The following HACL1 variants were observed in gnomAD, a reference collection of about 807,000 sequenced individuals.
HACL1 encodes the protein 1600020H07Rik.
Under a neutral mutation model 74.2 loss-of-function variants are expected in HACL1, and 64 were observed. The observed-to-expected ratio is 0.86, with a 90% CI of 0.70 to 1.06. The LOEUF is 1.06. HACL1 is among the 50% of genes least tolerant of loss of function. The probability of loss-of-function intolerance (pLI) is 0.00; values close to 1 mark genes in which losing one functional copy is unlikely to be tolerated. For synonymous variants in HACL1, 230 were observed against 238.8 expected, an observed-to-expected ratio of 0.96 and a Z score of 0.34; for missense variants, 728 against 719.7, an observed-to-expected ratio of 1.01 and a Z score of -0.13.
chr3:15,580,904 T>TTTG (rs1043028162), intron 8 of HACL1, among the ~76,000 whole-genome samples: 1 of 152,196 alleles, frequency 6.6e-6, no homozygotes, highest in Non-Finnish European at 1.5e-5. Flanking sequence ...CATTATCTTT[T>TTTG]TTGTTGTTGT....
intron 4 of HACL1, among the ~76,000 whole-genome samples, chr3:15,590,016 C>G (rs1053974867): frequency 6.6e-6 from 1 of 151,820 alleles, no homozygotes; most frequent in African/African-American, 2.4e-5. Flanking sequence ...GCCTGGGCAA[C>G]AGAGCAAGAC....
chr3:15,575,933 G>A (rs1574920113), intron 9 of HACL1, among the ~76,000 whole-genome samples: 2 of 151,814 alleles, frequency 1.3e-5, no homozygotes, highest in Admixed American at 1.3e-4. Context: ...AGAGATAGGT[G>A]GATCATGAGG....
rs777190733 is a variant in HACL1, at chr3:15,568,429, T to TA, written c.1250+2dup. 1.3e-5 allele frequency: 20 copies of TA among 1,563,594 alleles called. No individual in the cohort carries two copies. The highest frequency in any genetic ancestry group is 2.7e-5 in the African/African-American group (2 of 73,270). Reference sequence around the variant, plus strand: ...CGACTTCTTTCTTCTTTAGAAGTCTTACCTGTGACGAGGAAGGTAGTTCTG... The same window carrying TA: ...CGACTTCTTTCTTCTTTAGAAGTCTTAACCTGTGACGAGGAAGGTAGTTCTG... On this transcript the variant is annotated splice_region_variant and intron_variant, in intron 13 of 16. Transcript: ENST00000321169.
chr3:15,571,829 CTTTT>C (rs869072841), intron 11 of HACL1, 60 bp from the exon 12 acceptor site: 1,726 of 224,510 alleles, frequency 7.7e-3, no homozygotes, highest in Middle Eastern at 0.014. Context: ...CCTTTTTTTT[CTTTT>C]TTTTTTTTTT....
At chr3:15,568,055 G>A (rs1043353635) in intron 13 of HACL1, 53 bp from the exon 14 acceptor site, 1 of 1,481,284 alleles carries the variant, frequency 6.8e-7, no homozygotes, top group Non-Finnish European at 9.4e-7. Context: ...CATAGAGGAT[G>A]GGATTGGCAC....
intron 7 of HACL1, 64 bp from the exon 8 acceptor site, chr3:15,583,053 C>A: frequency 4.0e-6 from 3 of 759,294 alleles, no homozygotes; most frequent in South Asian, 3.2e-5. Flanking sequence ...GTGAAAATTT[C>A]AAATATATAG....
rs370402943 is a variant in HACL1, at chr3:15,595,659, G to A, written c.227+725C>T. Among the ~76,000 whole-genome samples the A allele has an allele frequency of 1.1e-4, 15 of 140,356 alleles. No individual in the cohort carries two copies. The East Asian group carries it at 2.1e-3, about 20-fold the overall frequency. 92.1% of individuals were successfully genotyped at this position (140,356 alleles called of 152,430 possible). ...GAGTCTCACTCTATCACCCAGGCTGGAGTGCAGTGGCGCAATCTCAGCTCA... is the reference window on the plus strand; with the variant it reads ...GAGTCTCACTCTATCACCCAGGCTGAAGTGCAGTGGCGCAATCTCAGCTCA... On this transcript the variant is annotated intron_variant, in intron 3 of 16. Coordinates refer to ENST00000321169, the MANE Select transcript of HACL1 (RefSeq NM_012260.4).
chr3:15,569,460 C>T (rs1031203523), intron 12 of HACL1, among the ~76,000 whole-genome samples: 4 of 151,876 alleles, frequency 2.6e-5, no homozygotes, highest in Non-Finnish European at 4.4e-5. Flanking sequence ...CCAAGGCGGG[C>T]GGATCACGAG....
At chr3:15,583,019 G>A in intron 7 of HACL1, 30 bp from the exon 8 acceptor site, 4 of 1,024,770 alleles carry the variant, frequency 3.9e-6, no homozygotes, top group South Asian at 2.7e-5. Context: ...TTAATTAAAA[G>A]AGGCCAACTA....
intron 8 of HACL1, among the ~76,000 whole-genome samples, chr3:15,580,386 C>T (rs1233620228): frequency 4.6e-5 from 7 of 152,196 alleles, no homozygotes; most frequent in Non-Finnish European, 8.8e-5. Flanking sequence ...AATCCTCCTT[C>T]CTTGACCTCC....
At chr3:15,565,043 T>C (rs1212032954) in intron 14 of HACL1, among the ~76,000 whole-genome samples, 1 of 152,034 alleles carries the variant, frequency 6.6e-6, no homozygotes, top group Non-Finnish European at 1.5e-5. Context: ...CATGTGCCTG[T>C]AGTCCCAGCT....
In HACL1 at chr3:15,568,519, A is replaced by G. The variant is rs950600321; in HGVS notation, c.1163T>C (p.Leu388Pro). Residue 388 changes from leucine (L) to proline (P), a missense_variant, in exon 13 of 17, where the codon CTA (leucine) becomes CCA (proline). Leu to Pro is a moderately conservative substitution (Grantham distance 98, BLOSUM62 -3). Coordinates refer to ENST00000321169, the MANE Select transcript of HACL1 (RefSeq NM_012260.4). ...ACTTACCACGAAACAGTCTCTAGGT[A>G]GTTGTTCTTGAACATGGTAGAATAC... ...YTVFYHVQEQ[L>P]PRDCFVVSEG... The G allele has an allele frequency of 1.3e-6, 2 of 1,592,618 alleles. No homozygotes were observed. The highest frequency in any genetic ancestry group is 1.7e-6 in the Non-Finnish European group (2 of 1,160,694).
Position 15,591,706 on chromosome 3 carries a change from A to G in HACL1, c.228-26T>C, listed in dbSNP as rs189278065. The G allele has an allele frequency of 5.9e-5, 87 of 1,471,358 alleles. No individual in the cohort carries two copies. The East Asian group carries it at 2.0e-3, about 33-fold the overall frequency. 91.1% of individuals were successfully genotyped at this position (1,471,358 alleles called of 1,614,324 possible). ...CTAAAAGCAAAACAGAATTTATTAAAATCAGGTCAAATGTAACAACTGATT... is the reference window on the plus strand; with the variant it reads ...CTAAAAGCAAAACAGAATTTATTAAGATCAGGTCAAATGTAACAACTGATT... On this transcript the variant is annotated intron_variant, in intron 3 of 16. Transcript: ENST00000321169.
At position 15,576,210 on chromosome 3, in the gene HACL1, C is replaced by T. The variant is rs566424927; in HGVS notation, c.804-1128G>A. On this transcript the variant is annotated intron_variant, in intron 9 of 16. Coordinates refer to ENST00000321169, the MANE Select transcript of HACL1 (RefSeq NM_012260.4). ...TTTCTCATTAAGTTCTTAAATACAACTTTTAAAGGCTACATATTTTGCTGA... is the reference window on the plus strand; with the variant it reads ...TTTCTCATTAAGTTCTTAAATACAATTTTTAAAGGCTACATATTTTGCTGA... Among the ~76,000 whole-genome samples the T allele has an allele frequency of 4.5e-5, 6 of 133,530 alleles. No individual in the cohort carries two copies. In the East Asian group the frequency reaches 1.4e-3, roughly 30 times the overall value. The allele number at this position is 133,530 out of a possible 152,430, so 87.6% of individuals were successfully genotyped here.
intron 2 of HACL1, among the ~76,000 whole-genome samples, chr3:15,599,225 A>T (rs1420788906): frequency 2.0e-5 from 3 of 152,238 alleles, no homozygotes; most frequent in African/African-American, 2.4e-5. Flanking sequence ...AAAGCCAGGA[A>T]CTATCATTCA....
rs1275811948 is a variant in HACL1, at chr3:15,593,152, TAC to T, written c.228-1474_228-1473del. ...ACGTATATATGTATATATACACACA[TAC>T]ACACATACGTATATATGTGTGTATA... On this transcript the variant is annotated intron_variant, in intron 3 of 16. Transcript: ENST00000321169. 9.5e-3 allele frequency among the ~76,000 whole-genome samples: 1,384 copies of T among 146,234 alleles called. 32 individuals are homozygous for T. The highest frequency in any genetic ancestry group is 0.033 in the African/African-American group (1,281 of 38,548).
chr3:15,575,541 C>CT (rs11396864), intron 9 of HACL1, among the ~76,000 whole-genome samples: 39,417 of 151,870 alleles, frequency 0.26, 8,091 homozygotes, highest in African/African-American at 0.56. Context: ...GTCTCATACA[C>CT]TTTTTTTATT....
intron 15 of HACL1, among the ~76,000 whole-genome samples, 166 bp from the exon 16 acceptor site, chr3:15,563,710 T>G (rs983295026): frequency 6.6e-6 from 1 of 152,222 alleles, no homozygotes; most frequent in African/African-American, 2.4e-5. Flanking sequence ...TTCCTATATT[T>G]ATAATTGTCT....
At chr3:15,566,839 G>A (rs1400275389) in intron 14 of HACL1, among the ~76,000 whole-genome samples, 5 of 121,124 alleles carry the variant, frequency 4.1e-5, no homozygotes, top group Non-Finnish European at 8.2e-5. Context: ...TTTTTTTTGC[G>A]ATGGAGTCTT....
Sources: gnomAD v4.1 joint callset for allele counts (sites outside exome capture counted in the v4.1 genomes callset) on GRCh38, gnomAD v4.1.1 for gene constraint, MANE v1.5 for transcripts, NCBI Gene and HGNC (gene_info 2026-07-23, HGNC 2026-07-21) for gene names.